SLCO4C1: variants seen among roughly 807,000 people sequenced by gnomAD.
SLCO4C1 encodes the protein organic anion transporter M1.
SLCO4C1 carries 58 observed loss-of-function variants against 72.1 expected under a neutral mutation model. The ratio of observed to expected loss-of-function variants is 0.80; its 90% CI spans 0.65 to 1.00. The LOEUF is 1.00. Among genes scored for constraint, SLCO4C1 ranks in the 50% least tolerant of loss-of-function variants. The pLI is 0.00. For synonymous variants in SLCO4C1, 297 were observed against 312.5 expected, an observed-to-expected ratio of 0.95 and a Z score of 0.52; for missense variants, 898 against 857.9, an observed-to-expected ratio of 1.05 and a Z score of -0.58.
In SLCO4C1 at chr5:102,260,329, AAAT is replaced by A. The variant is rs764853734; in HGVS notation, c.1022-13_1022-11del. On this transcript the variant is annotated splice_polypyrimidine_tract_variant and intron_variant, in intron 5 of 12. Coordinates refer to ENST00000310954, the MANE Select transcript of SLCO4C1 (RefSeq NM_180991.5). ...TGAATTTCTGCTGTACCTAAAAAAAAAATATATATATATATATAATATATATAT... is the reference window on the plus strand; with the variant it reads ...TGAATTTCTGCTGTACCTAAAAAAAAATATATATATATATAATATATATAT... 245 of 32,534 alleles carry A rather than the reference AAAT, an allele frequency of 7.5e-3. 5 individuals are homozygous for A. The highest frequency in any genetic ancestry group is 0.025 in the African/African-American group (104 of 4,160). 2.0% of individuals were successfully genotyped at this position (32,534 alleles called of 1,614,324 possible).
chr5:102,270,141 T>A (rs1316454038), intron 3 of SLCO4C1, among the ~76,000 whole-genome samples: 6 of 152,164 alleles, frequency 3.9e-5, no homozygotes. Context: ...TCTAGTTAGC[T>A]TTACCTTGCA....
chr5:102,238,187 G>A (rs1331935580), intron 12 of SLCO4C1, among the ~76,000 whole-genome samples: 1 of 152,042 alleles, frequency 6.6e-6, no homozygotes, highest in Non-Finnish European at 1.5e-5. Context: ...TATATATTTT[G>A]TGGGGGGATT....
At chr5:102,285,109 A>T (rs552926661) in intron 2 of SLCO4C1, among the ~76,000 whole-genome samples, 8 of 152,120 alleles carry the variant, frequency 5.3e-5, no homozygotes, top group African/African-American at 1.4e-4. Flanking sequence ...GTAATTTTTT[A>T]AAAATATTGA....
intron 4 of SLCO4C1, among the ~76,000 whole-genome samples, chr5:102,262,421 T>A (rs1748959684): frequency 6.6e-6 from 1 of 152,188 alleles, no homozygotes; most frequent in African/African-American, 2.4e-5. Flanking sequence ...CAGAGTGTGC[T>A]TCAATTAGAG....
chr5:102,245,482 A>G (rs1026742603), intron 10 of SLCO4C1, among the ~76,000 whole-genome samples: 1 of 152,192 alleles, frequency 6.6e-6, no homozygotes, highest in Non-Finnish European at 1.5e-5. Context: ...TGAATTCAGC[A>G]AGAGGATATA....
chr5:102,272,950 A>G (rs1174702602), intron 2 of SLCO4C1, among the ~76,000 whole-genome samples: 1 of 151,786 alleles, frequency 6.6e-6, no homozygotes, highest in Non-Finnish European at 1.5e-5. Flanking sequence ...ATCTCAAAAA[A>G]AGAAAGAAAG....
Position 102,235,941 on chromosome 5 carries a change from A to G in SLCO4C1, c.*917T>C, listed in dbSNP as rs1748425463. The G allele has an allele frequency of 6.6e-6, 1 of 152,224 alleles. No homozygotes were observed. Among genetic ancestry groups the G allele is most frequent in the Admixed American group, 6.5e-5 (1 of 15,286 alleles). The allele number at this position is 152,224 out of a possible 1,614,324, so 9.4% of individuals were successfully genotyped here. A position where few individuals can be genotyped will look rare whatever the true frequency, so the allele number is the denominator to read the frequency against. ...ATAATAATAGATGACTACACTATGCAAGGCACTGTCTTAGGTGCTATGAGT... is the reference window on the plus strand; with the variant it reads ...ATAATAATAGATGACTACACTATGCGAGGCACTGTCTTAGGTGCTATGAGT... On this transcript the variant is annotated 3_prime_UTR_variant, in exon 13 of 13. Coordinates refer to ENST00000310954, the MANE Select transcript of SLCO4C1 (RefSeq NM_180991.5).
In SLCO4C1 at chr5:102,258,013, A is replaced by G. The variant is rs773178828; in HGVS notation, c.1203T>C (p.Phe401=). Residue 401 remains phenylalanine (F), a synonymous_variant, in exon 7 of 13, where the codon TTT becomes TTC. Coordinates refer to ENST00000310954, the MANE Select transcript of SLCO4C1 (RefSeq NM_180991.5). ...TSSEALITTG[F]ATFLPKFIEN... ...CTATAAATTTAGGTAAAAATGTAGCAAATCCAGTAGTAATTAAGGCTTCTG... is the reference window on the plus strand; with the variant it reads ...CTATAAATTTAGGTAAAAATGTAGCGAATCCAGTAGTAATTAAGGCTTCTG... 1.2e-6 allele frequency: 2 copies of G among 1,609,830 alleles called. No homozygotes were observed. The highest frequency in any genetic ancestry group is 1.7e-6 in the Non-Finnish European group (2 of 1,178,530).
intron 12 of SLCO4C1, 24 bp downstream of exon 12, chr5:102,239,227 A>C: frequency 6.5e-7 from 1 of 1,527,302 alleles, no homozygotes; most frequent in Non-Finnish European, 8.7e-7. Flanking sequence ...TTTACTCTAA[A>C]ATTATCAAGA....
chr5:102,293,053 T>C (rs1340610535), intron 1 of SLCO4C1, among the ~76,000 whole-genome samples: 1 of 152,078 alleles, frequency 6.6e-6, no homozygotes, highest in Non-Finnish European at 1.5e-5. Flanking sequence ...ATTAAGACCG[T>C]AGCTGAAAAT....
At chr5:102,265,738 T>G (rs1319107345) in intron 3 of SLCO4C1, among the ~76,000 whole-genome samples, 1 of 152,202 alleles carries the variant, frequency 6.6e-6, no homozygotes, top group Non-Finnish European at 1.5e-5. Flanking sequence ...TGAAATCAGA[T>G]AGTGTGATGC....
At chr5:102,288,972 T>C (rs187835874) in intron 2 of SLCO4C1, among the ~76,000 whole-genome samples, 2 of 152,306 alleles carry the variant, frequency 1.3e-5, no homozygotes, top group East Asian at 3.9e-4. Flanking sequence ...TTTACTGGTG[T>C]TATCTCAACA....
chr5:102,295,348 C>T (rs925768985), intron 1 of SLCO4C1, among the ~76,000 whole-genome samples: 2 of 152,226 alleles, frequency 1.3e-5, no homozygotes, highest in Non-Finnish European at 2.9e-5. Flanking sequence ...AATTTACTCA[C>T]TGGGCTCCTC....
chr5:102,282,490 A>G (rs1391539169), intron 2 of SLCO4C1, among the ~76,000 whole-genome samples: 2 of 151,992 alleles, frequency 1.3e-5, no homozygotes, highest in Non-Finnish European at 2.9e-5. Context: ...AACCAGAAAA[A>G]TTAAATGTAT....
intron 8 of SLCO4C1, among the ~76,000 whole-genome samples, chr5:102,253,509 G>A (rs1748778534): frequency 1.3e-5 from 2 of 151,950 alleles, no homozygotes; most frequent in Admixed American, 6.6e-5. Flanking sequence ...AGTGGGGCAA[G>A]TGTTGAAAAA....
chr5:102,239,240 T>C lies in SLCO4C1; in HGVS notation c.2014+11A>G, dbSNP rs1748493241. 6.5e-7 allele frequency: 1 copy of C among 1,546,510 alleles called. No homozygotes were observed. The highest frequency in any genetic ancestry group is 8.7e-7 in the Non-Finnish European group (1 of 1,153,080). On this transcript the variant is annotated intron_variant, in intron 12 of 12. Coordinates refer to ENST00000310954, the MANE Select transcript of SLCO4C1 (RefSeq NM_180991.5). ...AGTTTACTCTAAAATTATCAAGAAG[T>C]CACCACTTACTTATGGCTACTAGCA...
chr5:102,262,154 C>T, intron 4 of SLCO4C1, 121 bp from the exon 5 acceptor site: 1 of 659,518 alleles, frequency 1.5e-6, no homozygotes, highest in Non-Finnish European at 2.3e-6. Context: ...TAATATCCAA[C>T]AGTTTAATGG....
intron 6 of SLCO4C1, among the ~76,000 whole-genome samples, chr5:102,258,640 G>A (rs1748882074): frequency 6.6e-6 from 1 of 151,982 alleles, no homozygotes; most frequent in African/African-American, 2.4e-5. Flanking sequence ...ATTGACAGAG[G>A]GTAGTATGGA....
At position 102,240,766 on chromosome 5, in the gene SLCO4C1, G is replaced by T; in HGVS notation, c.1828C>A (p.Gln610Lys). 10 of 1,611,422 alleles carry T rather than the reference G, an allele frequency of 6.2e-6. No homozygotes were observed. The highest frequency in any genetic ancestry group is 8.5e-6 in the Non-Finnish European group (10 of 1,178,310). ...VSILRCVNHR[Q>K]RSLALGIQFM... ...TGTATTCCCAAGGCTAGGGACCGTT[G>T]TCTGTGATTAACACACCTGGAAATA... is the stretch of plus-strand genomic sequence containing the variant. Residue 610 changes from glutamine (Q) to lysine (K), a missense_variant, in exon 11 of 13, where the codon CAA (glutamine) becomes AAA (lysine). By Grantham distance (53) the Gln-to-Lys change is moderately conservative. Coordinates refer to ENST00000310954, the MANE Select transcript of SLCO4C1 (RefSeq NM_180991.5).
Sources: allele counts gnomAD v4.1 joint callset (sites outside exome capture counted in the v4.1 genomes callset), GRCh38; gene constraint gnomAD v4.1.1; transcripts MANE v1.5; gene names NCBI Gene and HGNC (gene_info 2026-07-23, HGNC 2026-07-21).